The following CREB3L3 variants were observed in gnomAD, a reference collection of about 807,000 sequenced individuals.
The protein encoded by CREB3L3 is cAMP responsive element binding protein 3 like 3.
A neutral mutation model predicts 44.6 loss-of-function variants in CREB3L3; 40 were observed. The observed-to-expected ratio is 0.90, with a 90% confidence interval of 0.70 to 1.17. CREB3L3 has a LOEUF of 1.17. Among genes scored for constraint, CREB3L3 ranks in the 50% most tolerant of loss-of-function variants. CREB3L3 has a pLI of 0.00. For missense variants in CREB3L3, 578 were observed against 595.8 expected, an observed-to-expected ratio of 0.97 and a Z score of 0.31; for synonymous variants, 273 against 256.3, an observed-to-expected ratio of 1.06 and a Z score of -0.62.
At chr19:4,168,834 C>CAG (rs1298371846) in intron 6 of CREB3L3, among the ~76,000 whole-genome samples, 3 of 152,016 alleles carry the variant, frequency 2.0e-5, no homozygotes, top group Non-Finnish European at 4.4e-5. Flanking sequence ...CGGGTTCAAG[C>CAG]GATTCTCCTG....
intron 3 of CREB3L3, among the ~76,000 whole-genome samples, chr19:4,159,182 G>A (rs985221876): frequency 3.2e-4 from 47 of 148,552 alleles, no homozygotes; most frequent in Non-Finnish European, 6.5e-4. Context: ...ATGGAGTCTC[G>A]CTGTGTCACC....
chr19:4,169,024 T>C (rs968298211), intron 6 of CREB3L3, among the ~76,000 whole-genome samples: 1 of 151,576 alleles, frequency 6.6e-6, no homozygotes. Context: ...CGTGAGCCAC[T>C]GCGCCTGGTC....
At chr19:4,161,259 G>A (rs192916664) in intron 4 of CREB3L3, among the ~76,000 whole-genome samples, 161 of 148,464 alleles carry the variant, frequency 1.1e-3, no homozygotes, top group African/African-American at 3.9e-3. Context: ...ACCGTGCCCC[G>A]TTTAGACCCA....
intron 4 of CREB3L3, among the ~76,000 whole-genome samples, chr19:4,162,743 CT>C (rs2041675934): frequency 2.0e-5 from 3 of 150,898 alleles, no homozygotes; most frequent in African/African-American, 4.9e-5. Flanking sequence ...ATTTGGGAGG[CT>C]GAAGTGGACA....
intron 7 of CREB3L3, 35 bp downstream of exon 7, chr19:4,170,243 G>A (rs772306755): frequency 1.9e-6 from 3 of 1,601,104 alleles, no homozygotes; most frequent in Non-Finnish European, 1.7e-6. Flanking sequence ...GAGGACAGGG[G>A]AAGCAGCCCC....
At chr19:4,170,845 A>G (rs1967029123) in intron 7 of CREB3L3, among the ~76,000 whole-genome samples, 1 of 151,926 alleles carries the variant, frequency 6.6e-6, no homozygotes, top group African/African-American at 2.4e-5. Flanking sequence ...TGGGAGGCGG[A>G]GCTTGCAGTG....
rs1013223918 is a variant in CREB3L3 at position 4,172,122 on chromosome 19, G to C, written c.*153G>C. 3 of 843,758 alleles carry C rather than the reference G, an allele frequency of 3.6e-6. No individual in the cohort carries two copies. In the African/African-American group the frequency reaches 5.1e-5, roughly 14 times the overall value. The allele number at this position is 843,758 out of a possible 1,614,324, so 52.3% of individuals were successfully genotyped here. A position where few individuals can be genotyped will look rare whatever the true frequency, so the allele number is the denominator to read the frequency against. On this transcript the variant is annotated 3_prime_UTR_variant, in exon 10 of 10. Coordinates refer to ENST00000078445, the MANE Select transcript of CREB3L3 (RefSeq NM_032607.3). ...GGCACAGCTCATAGCCACACACCCA[G>C]GGCCTGACTGAGGCCCACGCAGGAA...
At chr19:4,169,992 T>C in intron 6 of CREB3L3, 148 bp from the exon 7 acceptor site, 2 of 768,486 alleles carry the variant, frequency 2.6e-6, no homozygotes. Context: ...CAGCCCTGTC[T>C]GACCTGCCGA....
At chr19:4,161,632 G>A (rs2041663976) in intron 4 of CREB3L3, among the ~76,000 whole-genome samples, 1 of 19,816 alleles carries the variant, frequency 5.0e-5, no homozygotes, top group African/African-American at 1.4e-4. Context: ...CAGATGAGAA[G>A]GTAGGTCAAG....
intron 4 of CREB3L3, among the ~76,000 whole-genome samples, chr19:4,160,278 A>G (rs1447589960): frequency 1.3e-5 from 2 of 151,970 alleles, no homozygotes; most frequent in Non-Finnish European, 2.9e-5. Flanking sequence ...CCTGGCCAAC[A>G]GACCAGGACT....
intron 5 of CREB3L3, among the ~76,000 whole-genome samples, chr19:4,165,263 G>C (rs911996535): frequency 1.4e-5 from 2 of 147,996 alleles, no homozygotes; most frequent in Admixed American, 6.7e-5. Context: ...GACCTCCTGG[G>C]CTCAAGAGAT....
rs369814107 is a variant in CREB3L3 at position 4,172,186 on chromosome 19, C to T, written c.*217C>T. 4 of 606,778 alleles carry T rather than the reference C, an allele frequency of 6.6e-6. No homozygotes were observed. Among genetic ancestry groups the T allele is most frequent in the South Asian group, 2.0e-5 (1 of 49,070 alleles). The allele number at this position is 606,778 out of a possible 1,614,324, so 37.6% of individuals were successfully genotyped here. A position where few individuals can be genotyped will look rare whatever the true frequency, so the allele number is the denominator to read the frequency against. ...ACAAGGCAAAGAGGGCCACAGGACC[C>T]GGGAAATACACACAGAGCCAGGAGC... On this transcript the variant is annotated 3_prime_UTR_variant, in exon 10 of 10. Coordinates refer to ENST00000078445, the MANE Select transcript of CREB3L3 (RefSeq NM_032607.3).
intron 5 of CREB3L3, among the ~76,000 whole-genome samples, chr19:4,167,415 GAAA>G (rs1361769659): frequency 1.3e-4 from 17 of 129,820 alleles, no homozygotes; most frequent in South Asian, 2.5e-4. Context: ...GAAAGGAAAA[GAAA>G]GAAAAGAAAG....
In CREB3L3 at chr19:4,171,917, C is replaced by T. The variant is rs769936917; in HGVS notation, c.1334C>T (p.Pro445Leu). The change falls in exon 10 of 10, where the codon CCG becomes CTG. Residue 445 changes from proline to leucine, a missense_variant. Transcript: ENST00000078445. This position sits in a 1 kb window ranked among gnomAD's most constrained non-coding sequence, Gnocchi z 4.9. Reference sequence around the variant, plus strand: ...CTGCTGGACTGGGTGGCGCCTGGGCCGAGCACTGGCTCAGGACGTGCAGGG... The same window carrying T: ...CTGCTGGACTGGGTGGCGCCTGGGCTGAGCACTGGCTCAGGACGTGCAGGG... ...VALLDWVAPGPSTGSGRAGLE... is the reference protein window; with the variant it reads ...VALLDWVAPGLSTGSGRAGLE... 9.9e-6 allele frequency: 16 copies of T among 1,611,526 alleles called. No homozygotes were observed. Among genetic ancestry groups the T allele is most frequent in the Admixed American group, 3.3e-5 (2 of 59,812 alleles).
At chr19:4,154,771 C>A (rs1006896926) in intron 1 of CREB3L3, 128 bp from the exon 2 acceptor site, 10 of 1,363,316 alleles carry the variant, frequency 7.3e-6, no homozygotes, top group Non-Finnish European at 9.3e-6. Flanking sequence ...CGAGGGGCAG[C>A]AGCTGGCCCA....
At position 4,171,035 on chromosome 19, in the gene CREB3L3, G is replaced by A. The variant is rs963454951; in HGVS notation, c.891-56G>A. The A allele has an allele frequency of 6.4e-6, 9 of 1,404,500 alleles. No individual in the cohort carries two copies. The highest frequency in any genetic ancestry group is 4.2e-5 in the African/African-American group (3 of 70,652). 87.0% of individuals were successfully genotyped at this position (1,404,500 alleles called of 1,614,324 possible). A position where few individuals can be genotyped will look rare whatever the true frequency, so the allele number is the denominator to read the frequency against. ...GGGCTGGGGGACCCCGGAAATGGAC[G>A]AGAAGCAGAACCGAGGCCCTTTAGG... On this transcript the variant is annotated intron_variant, in intron 7 of 9. Transcript: ENST00000078445. The surrounding 1 kb of genome is among the most constrained non-coding windows in gnomAD (Gnocchi z 4.9).
In CREB3L3 at chr19:4,172,165, G is replaced by A; in HGVS notation, c.*196G>A. On this transcript the variant is annotated 3_prime_UTR_variant, in exon 10 of 10. Coordinates refer to ENST00000078445, the MANE Select transcript of CREB3L3 (RefSeq NM_032607.3). ...CGCAGGAACCGACACTCAGACACAA[G>A]GCAAAGAGGGCCACAGGACCCGGGA... is the stretch of plus-strand genomic sequence containing the variant. 3.2e-6 allele frequency: 2 copies of A among 627,080 alleles called. No individual in the cohort carries two copies. Among genetic ancestry groups the A allele is most frequent in the Non-Finnish European group, 5.5e-6 (2 of 362,672 alleles). 38.8% of individuals were successfully genotyped at this position (627,080 alleles called of 1,614,324 possible). A position where few individuals can be genotyped will look rare whatever the true frequency, so the allele number is the denominator to read the frequency against.
chr19:4,172,182 G>A lies in CREB3L3; in HGVS notation c.*213G>A. The A allele has an allele frequency of 1.6e-6, 1 of 611,310 alleles. No individual in the cohort carries two copies. The highest frequency in any genetic ancestry group is 2.9e-6 in the Non-Finnish European group (1 of 348,444). The allele number at this position is 611,310 out of a possible 1,614,324, so 37.9% of individuals were successfully genotyped here. On this transcript the variant is annotated 3_prime_UTR_variant, in exon 10 of 10. Coordinates refer to ENST00000078445, the MANE Select transcript of CREB3L3 (RefSeq NM_032607.3). ...AGACACAAGGCAAAGAGGGCCACAGGACCCGGGAAATACACACAGAGCCAG... is the reference window on the plus strand; with the variant it reads ...AGACACAAGGCAAAGAGGGCCACAGAACCCGGGAAATACACACAGAGCCAG...
Position 4,171,212 on chromosome 19 carries a change from G to A in CREB3L3, c.975+37G>A. 2 of 1,585,468 alleles carry A rather than the reference G, an allele frequency of 1.3e-6. No individual in the cohort carries two copies. Among genetic ancestry groups the A allele is most frequent in the African/African-American group, 2.7e-5 (2 of 74,400 alleles). On this transcript the variant is annotated intron_variant, in intron 8 of 9. Transcript: ENST00000078445. The surrounding 1 kb of genome is among the most constrained non-coding windows in gnomAD (Gnocchi z 4.9). The stretch of plus-strand genomic sequence containing the variant: ...TGCCCCCAGGCAAGCCGGGGACCTA[G>A]GCTTCTGTAGAGGGGCCCATAGGGA...
Sources: gnomAD v4.1 joint callset for allele counts (sites outside exome capture counted in the v4.1 genomes callset) on GRCh38, gnomAD v4.1.1 for gene constraint, Gnocchi (gnomAD v3.1) non-coding constraint, MANE v1.5 for transcripts, NCBI Gene and HGNC (gene_info 2026-07-23, HGNC 2026-07-21) for gene names.